LGR4: variants seen among roughly 807,000 people sequenced by gnomAD.
LGR4 encodes leucine-rich repeat-containing G protein-coupled receptor 4.
LGR4 carries 44 observed loss-of-function variants against 84.8 expected under a neutral mutation model. The ratio of observed to expected loss-of-function variants is 0.52; its 90% confidence interval spans 0.41 to 0.67. LGR4 has a LOEUF of 0.67. Ranked by LOEUF, LGR4 falls within the 30% of genes least tolerant of loss-of-function variation. The pLI is 0.00. For synonymous variants in LGR4, 429 were observed against 434.3 expected, an observed-to-expected ratio of 0.99 and a Z score of 0.15; for missense variants, 1,032 against 1,131.4, an observed-to-expected ratio of 0.91 and a Z score of 1.26.
At chr11:27,422,097 A>T (rs2133410078) in intron 1 of LGR4, among the ~76,000 whole-genome samples, 1 of 152,328 alleles carries the variant, frequency 6.6e-6, no homozygotes, top group East Asian at 1.9e-4. Flanking sequence ...GCCAAAACAC[A>T]CAGACAAAAT....
At chr11:27,413,012 T>C in intron 1 of LGR4, 152 bp from the exon 2 acceptor site, 1 of 606,546 alleles carries the variant, frequency 1.6e-6, no homozygotes. Flanking sequence ...AATGCAATAT[T>C]CAGAAAACAC....
chr11:27,423,583 T>C (rs7105560), intron 1 of LGR4, among the ~76,000 whole-genome samples: 13,657 of 152,276 alleles, frequency 0.09, 824 homozygotes, highest in African/African-American at 0.16. Flanking sequence ...TGTAAGACAA[T>C]AGACATTGAT....
At chr11:27,447,771 T>C (rs889471822) in intron 1 of LGR4, among the ~76,000 whole-genome samples, 1 of 152,214 alleles carries the variant, frequency 6.6e-6, no homozygotes, top group African/African-American at 2.4e-5. Flanking sequence ...TAGAAATGTA[T>C]GTCTATTGTA....
intron 1 of LGR4, among the ~76,000 whole-genome samples, chr11:27,448,394 G>A (rs2133441131): frequency 6.6e-6 from 1 of 151,912 alleles, no homozygotes; most frequent in South Asian, 2.1e-4. Flanking sequence ...CTGGCTTCAG[G>A]CAATTCTCCT....
At chr11:27,372,738 G>A (rs530786360) in intron 15 of LGR4, among the ~76,000 whole-genome samples, 6 of 152,262 alleles carry the variant, frequency 3.9e-5, no homozygotes, top group African/African-American at 9.6e-5. Context: ...TTTATCATAC[G>A]AAACTGATAG....
chr11:27,422,731 A>G (rs1863945514), intron 1 of LGR4, among the ~76,000 whole-genome samples: 1 of 152,176 alleles, frequency 6.6e-6, no homozygotes, highest in Non-Finnish European at 1.5e-5. Flanking sequence ...CTAGTACCAC[A>G]AGCTTGGCCC....
chr11:27,374,784 G>A (rs994562511), intron 13 of LGR4, among the ~76,000 whole-genome samples: 1 of 152,118 alleles, frequency 6.6e-6, no homozygotes, highest in African/African-American at 2.4e-5. Flanking sequence ...TAAAAGTGAT[G>A]GCAACTAGGA....
rs530699099 is a variant in LGR4, at chr11:27,366,652, T to C, written c.*1215A>G. 13 of 152,654 alleles carry C rather than the reference T, an allele frequency of 8.5e-5. No individual in the cohort carries two copies. Among genetic ancestry groups the C allele is most frequent in the Non-Finnish European group, 1.8e-4 (12 of 67,952 alleles). 9.5% of individuals were successfully genotyped at this position (152,654 alleles called of 1,614,324 possible). A position where few individuals can be genotyped will look rare whatever the true frequency, so the allele number is the denominator to read the frequency against. ...CACCCAGTAATAGGTCTAAAGCCCA[T>C]AGATGGGAATCAAGTAAAATTTTTA... is the stretch of plus-strand genomic sequence containing the variant. On this transcript the variant is annotated 3_prime_UTR_variant, in exon 18 of 18. Coordinates refer to ENST00000379214, the MANE Select transcript of LGR4 (RefSeq NM_018490.5).
chr11:27,380,793 T>C, intron 8 of LGR4, 82 bp from the exon 9 acceptor site: 1 of 1,192,812 alleles, frequency 8.4e-7, no homozygotes, highest in South Asian at 1.3e-5. Context: ...AATGTACATA[T>C]ATCTAAAATC....
intron 1 of LGR4, among the ~76,000 whole-genome samples, chr11:27,432,461 A>G (rs1253340776): frequency 6.6e-6 from 1 of 152,178 alleles, no homozygotes; most frequent in Non-Finnish European, 1.5e-5. Context: ...AGAAGACCCA[A>G]TGGCAAAATT....
intron 1 of LGR4, among the ~76,000 whole-genome samples, chr11:27,443,368 T>G (rs1234177275): frequency 6.6e-6 from 1 of 152,180 alleles, no homozygotes; most frequent in African/African-American, 2.4e-5. Context: ...GTTAGAAGTC[T>G]GAACTAATGG....
At chr11:27,455,847 A>G (rs1359906273) in intron 1 of LGR4, among the ~76,000 whole-genome samples, 2 of 152,216 alleles carry the variant, frequency 1.3e-5, no homozygotes, top group African/African-American at 2.4e-5. Context: ...ACTAGTGGTA[A>G]TAAGTCCTCA....
At chr11:27,422,940 G>A (rs1305081702) in intron 1 of LGR4, among the ~76,000 whole-genome samples, 1 of 152,088 alleles carries the variant, frequency 6.6e-6, no homozygotes, top group African/African-American at 2.4e-5. Context: ...TGAGTTAGCT[G>A]TATTTTCACT....
rs201925650 is a variant in LGR4 at position 27,472,152 on chromosome 11, C to G, written c.151G>C (p.Val51Leu). 503 of 1,383,278 alleles carry G rather than the reference C, an allele frequency of 3.6e-4. 5 individuals carry two copies. The highest frequency in any genetic ancestry group is 6.2e-5 in the Non-Finnish European group (66 of 1,065,930). 85.7% of individuals were successfully genotyped at this position (1,383,278 alleles called of 1,614,324 possible). Residue 51 changes from valine (V) to leucine (L), a missense_variant, in exon 1 of 18, where the codon GTG becomes CTG. Physicochemically the swap from Val to Leu is conservative, Grantham distance 32. Coordinates refer to ENST00000379214, the MANE Select transcript of LGR4 (RefSeq NM_018490.5). ...VDCSGKGLTA[V>L]PEGLSAFTQA... ...GTGAAGGCGCTGAGCCCCTCGGGCA[C>G]GGCCGTCAGCCCCTTCCCGGAGCAG...
chr11:27,440,167 A>T (rs1864281364), intron 1 of LGR4, among the ~76,000 whole-genome samples: 1 of 151,954 alleles, frequency 6.6e-6, no homozygotes, highest in Non-Finnish European at 1.5e-5. Flanking sequence ...CGGCCTCCTA[A>T]AGTACTGGGA....
intron 1 of LGR4, among the ~76,000 whole-genome samples, chr11:27,460,699 G>A (rs1056058318): frequency 2.6e-5 from 4 of 152,162 alleles, no homozygotes; most frequent in African/African-American, 4.8e-5. Context: ...AGAATGAAGC[G>A]TTCTGCTGCA....
chr11:27,369,903 T>G (rs3782109), intron 17 of LGR4, among the ~76,000 whole-genome samples: 1 of 152,000 alleles, frequency 6.6e-6, no homozygotes, highest in Non-Finnish European at 1.5e-5. Flanking sequence ...TAAGATAATA[T>G]AGCTAGGACT....
intron 15 of LGR4, 75 bp downstream of exon 15, chr11:27,373,476 C>CA: frequency 7.2e-7 from 1 of 1,385,228 alleles, no homozygotes; most frequent in Non-Finnish European, 9.6e-7. Flanking sequence ...AGAACCAGAG[C>CA]AAAAAACCAG....
At chr11:27,471,891 AC>A in intron 1 of LGR4, 1 of 331,180 alleles carries the variant, frequency 3.0e-6, no homozygotes, top group Non-Finnish European at 5.4e-6. Context: ...AAGTCTGGGA[AC>A]GAAAGCTACT....
Sources: allele counts gnomAD v4.1 joint callset (sites outside exome capture counted in the v4.1 genomes callset), GRCh38; gene constraint gnomAD v4.1.1; transcripts MANE v1.5; gene names NCBI Gene and HGNC (gene_info 2026-07-23, HGNC 2026-07-21).